VAT1L: variants seen among roughly 807,000 people sequenced by gnomAD.
The protein encoded by VAT1L is putative NADPH-dependent quinone oxidoreductase VAT1L.
A neutral mutation model predicts 44.1 loss-of-function variants in VAT1L; 34 were observed. The observed-to-expected ratio is 0.77, with a 90% confidence interval of 0.59 to 1.03. VAT1L has a LOEUF of 1.03. VAT1L is among the 50% of genes least tolerant of loss of function. The pLI, the probability that VAT1L is intolerant of heterozygous loss-of-function variation, is 0.00. For missense variants in VAT1L, 615 were observed against 538.8 expected, an observed-to-expected ratio of 1.14 and a Z score of -1.40; for synonymous variants, 253 against 202.2, an observed-to-expected ratio of 1.25 and a Z score of -2.13.
chr16:77,881,564 T>TATTCATATGCCCTCAAAGTGCC (rs1319954542), intron 6 of VAT1L, among the ~76,000 whole-genome samples: 1 of 152,274 alleles, frequency 6.6e-6, no homozygotes, highest in African/African-American at 2.4e-5. Flanking sequence ...CACTATGTGC[T>TATTCATATGCCCTCAAAGTGCC]ATTCATATGC....
At chr16:77,920,973 C>T (rs1438958308) in intron 7 of VAT1L, among the ~76,000 whole-genome samples, 1 of 150,184 alleles carries the variant, frequency 6.7e-6, no homozygotes, top group Non-Finnish European at 1.5e-5. Flanking sequence ...TATATACACA[C>T]ACACACATAC....
At chr16:77,935,455 CT>C (rs2017782845) in intron 7 of VAT1L, among the ~76,000 whole-genome samples, 1 of 149,548 alleles carries the variant, frequency 6.7e-6, no homozygotes, top group Non-Finnish European at 1.5e-5. Context: ...TAGCACAAGC[CT>C]TGTGCTCAGT....
intron 1 of VAT1L, among the ~76,000 whole-genome samples, chr16:77,802,227 T>C (rs2016070096): frequency 6.6e-6 from 1 of 152,206 alleles, no homozygotes; most frequent in Non-Finnish European, 1.5e-5. Context: ...TTTTTCCTTT[T>C]GTATCCTTAA....
At chr16:77,970,097 G>T (rs1009141569) in intron 7 of VAT1L, among the ~76,000 whole-genome samples, 1 of 149,086 alleles carries the variant, frequency 6.7e-6, no homozygotes, top group Non-Finnish European at 1.5e-5. Context: ...AGCTGAGCAC[G>T]TGGTGACGCT....
intron 7 of VAT1L, among the ~76,000 whole-genome samples, chr16:77,916,448 T>C (rs2017553000): frequency 6.6e-6 from 1 of 152,126 alleles, no homozygotes; most frequent in Non-Finnish European, 1.5e-5. Flanking sequence ...TACTACTCTC[T>C]CTCCACTGGG....
chr16:77,910,429 T>G (rs1265196020), intron 7 of VAT1L, among the ~76,000 whole-genome samples: 2 of 151,970 alleles, frequency 1.3e-5, no homozygotes, highest in East Asian at 1.9e-4. Context: ...TCCCAGCACT[T>G]TGGGAGGCCG....
intron 8 of VAT1L, among the ~76,000 whole-genome samples, chr16:77,972,744 G>A (rs1208464079): frequency 1.3e-5 from 2 of 151,744 alleles, no homozygotes; most frequent in East Asian, 3.9e-4. Context: ...TTGCGTCATT[G>A]CACTCCAGCC....
At chr16:77,795,277 TG>T (rs145455817) in intron 1 of VAT1L, among the ~76,000 whole-genome samples, 4 of 71,076 alleles carry the variant, frequency 5.6e-5, no homozygotes, top group Non-Finnish European at 9.8e-5. Flanking sequence ...GAATTTACAG[TG>T]GGGGCGGGGG....
At chr16:77,913,548 T>C (rs1567506747) in intron 7 of VAT1L, among the ~76,000 whole-genome samples, 1 of 151,974 alleles carries the variant, frequency 6.6e-6, no homozygotes, top group Non-Finnish European at 1.5e-5. Context: ...CTTCCTTCAG[T>C]TGGCTTCTAG....
Position 77,975,194 on chromosome 16 carries a change from C to CT in VAT1L, c.1162-2369dup, listed in dbSNP as rs35017686. ...GTGCTTTCTCCTACTGGAATGACCA[C>CT]TTTTTTTTTTTTTTTTTTTTTTTTT... On this transcript the variant is annotated intron_variant, in intron 8 of 8. Coordinates refer to ENST00000302536, the MANE Select transcript of VAT1L (RefSeq NM_020927.3). 6.8e-3 allele frequency among the ~76,000 whole-genome samples: 272 copies of CT among 39,856 alleles called. 12 individuals carry two copies. The highest frequency in any genetic ancestry group is 7.1e-3 in the African/African-American group (67 of 9,422). The allele number at this position is 39,856 out of a possible 152,430, so 26.1% of individuals were successfully genotyped here. A position where few individuals can be genotyped will look rare whatever the true frequency, so the allele number is the denominator to read the frequency against.
intron 7 of VAT1L, among the ~76,000 whole-genome samples, chr16:77,914,184 T>G (rs1243054634): frequency 2.6e-4 from 40 of 152,198 alleles, no homozygotes; most frequent in Non-Finnish European, 5.9e-5. Context: ...GAGCCAGTCA[T>G]TCAACAAAAC....
rs1368608197 is a variant in VAT1L at position 77,884,778 on chromosome 16, G to T, written c.1053G>T (p.Val351=). ...LYNQKKIKPV[V]DSLWALEEVK... ...ACCAGAAGAAGATCAAGCCTGTGGTGGACTCCTTGTGGGCTCTGGAGGAGG... is the reference window on the plus strand; with the variant it reads ...ACCAGAAGAAGATCAAGCCTGTGGTTGACTCCTTGTGGGCTCTGGAGGAGG... Residue 351 remains valine (V), a synonymous_variant, in exon 7 of 9, where the codon GTG becomes GTT. Coordinates refer to ENST00000302536, the MANE Select transcript of VAT1L (RefSeq NM_020927.3). The surrounding 1 kb of genome is among the most constrained non-coding windows in gnomAD (Gnocchi z 4.5). 1 of 1,554,342 alleles carries T rather than the reference G, an allele frequency of 6.4e-7. No individual in the cohort carries two copies. The highest frequency in any genetic ancestry group is 1.2e-5 in the South Asian group (1 of 81,400).
rs191893861 is a variant in VAT1L at position 77,855,254 on chromosome 16, C to T, written c.580-7494C>T. ...ACTCAGGAGGCTGAGGCAGGAGAATCGCTCGAACCCGGGAAGCAGAGGTTA... is the reference window on the plus strand; with the variant it reads ...ACTCAGGAGGCTGAGGCAGGAGAATTGCTCGAACCCGGGAAGCAGAGGTTA... On this transcript the variant is annotated intron_variant, in intron 3 of 8. Coordinates refer to ENST00000302536, the MANE Select transcript of VAT1L (RefSeq NM_020927.3). Among the ~76,000 whole-genome samples the T allele has an allele frequency of 3.0e-3, 459 of 151,688 alleles. 1 individual carries two copies. The highest frequency in any genetic ancestry group is 9.7e-3 in the African/African-American group (401 of 41,320).
intron 3 of VAT1L, among the ~76,000 whole-genome samples, chr16:77,854,585 G>A (rs1330379542): frequency 6.6e-6 from 1 of 152,154 alleles, no homozygotes; most frequent in Non-Finnish European, 1.5e-5. Flanking sequence ...TGCATCCAAT[G>A]TACTTGATTT....
intron 7 of VAT1L, among the ~76,000 whole-genome samples, chr16:77,952,578 T>A (rs2018056475): frequency 6.6e-6 from 1 of 152,034 alleles, no homozygotes; most frequent in South Asian, 2.1e-4. Context: ...TGCAGAGCCA[T>A]GAGCCCCTGG....
chr16:77,793,688 A>G (rs559917558), intron 1 of VAT1L, among the ~76,000 whole-genome samples: 91 of 152,316 alleles, frequency 6.0e-4, no homozygotes, highest in Middle Eastern at 3.4e-3. Context: ...GATTTACACC[A>G]AGAGGCTACA....
intron 4 of VAT1L, among the ~76,000 whole-genome samples, chr16:77,875,631 A>T (rs1433398120): frequency 6.6e-6 from 1 of 152,214 alleles, no homozygotes; most frequent in Non-Finnish European, 1.5e-5. Context: ...TGTATAAAGA[A>T]ATGAATAGAA....
At chr16:77,949,049 C>A (rs2018007558) in intron 7 of VAT1L, among the ~76,000 whole-genome samples, 1 of 152,156 alleles carries the variant, frequency 6.6e-6, no homozygotes, top group South Asian at 2.1e-4. Context: ...TAATCTGTAT[C>A]TATCAGTAAT....
chr16:77,832,356 G>T (rs564663988), intron 3 of VAT1L, among the ~76,000 whole-genome samples: 1 of 152,032 alleles, frequency 6.6e-6, no homozygotes, highest in Non-Finnish European at 1.5e-5. Context: ...TCACCTCTAG[G>T]CATATTCTCC....
Sources: allele counts gnomAD v4.1 joint callset (sites outside exome capture counted in the v4.1 genomes callset), GRCh38; gene constraint gnomAD v4.1.1; non-coding constraint Gnocchi (gnomAD v3.1); transcripts MANE v1.5; gene names NCBI Gene and HGNC (gene_info 2026-07-23, HGNC 2026-07-21).